Variants in SLC36A1 observed in about 807,000 individuals in gnomAD.
The protein encoded by SLC36A1 is proton-coupled amino acid transporter 1.
Under a neutral mutation model 47.5 loss-of-function variants are expected in SLC36A1, and 30 were observed. The observed-to-expected ratio is 0.63, with a 90% CI of 0.47 to 0.86. The LOEUF is 0.86. Ranked by LOEUF, SLC36A1 falls within the 40% of genes least tolerant of loss-of-function variation. The pLI is 0.00. For synonymous variants in SLC36A1, 255 were observed against 249.7 expected (o/e 1.02, Z -0.20); for missense variants, 517 against 606.0 (o/e 0.85, Z 1.54).
chr5:151,454,709 G>GC (rs1754221375), intron 1 of SLC36A1, among the ~76,000 whole-genome samples: 1 of 99,564 alleles, frequency 1.0e-5, no homozygotes, highest in African/African-American at 4.7e-5. Flanking sequence ...CCATGTGACA[G>GC]CTTTTTTTTT....
chr5:151,404,928 C>G, the SLC36A1 span, among the ~76,000 whole-genome samples: 1 of 152,180 alleles, frequency 6.6e-6, no homozygotes, highest in Admixed American at 6.5e-5. Flanking sequence ...TGCATTTGCA[C>G]ATAGACTTCT....
At chr5:151,385,605 A>G in the SLC36A1 span, among the ~76,000 whole-genome samples, 1 of 152,196 alleles carries the variant, frequency 6.6e-6, no homozygotes, top group Non-Finnish European at 1.5e-5. Flanking sequence ...GACTGAGACC[A>G]TCTGAGAGGG....
upstream of SLC36A1, among the ~76,000 whole-genome samples, chr5:151,444,499 AT>A (rs922298503): frequency 2.0e-5 from 3 of 151,342 alleles, no homozygotes; most frequent in African/African-American, 7.3e-5. Context: ...TGATTTTTTA[AT>A]TTTTTTTTGA....
chr5:151,441,802 C>T (rs1254631911), intron 1 of SLC36A1, among the ~76,000 whole-genome samples: 1 of 152,058 alleles, frequency 6.6e-6, no homozygotes, highest in African/African-American at 2.4e-5. Context: ...CAATAAACTG[C>T]ACGTATTTAA....
the SLC36A1 span, among the ~76,000 whole-genome samples, chr5:151,418,777 A>AC: frequency 6.6e-6 from 1 of 152,170 alleles, no homozygotes; most frequent in Non-Finnish European, 1.5e-5. Context: ...TAGGGAGGGC[A>AC]TGATTGGTTT....
the SLC36A1 span, among the ~76,000 whole-genome samples, chr5:151,518,952 T>TA: frequency 6.6e-6 from 1 of 152,170 alleles, no homozygotes; most frequent in Non-Finnish European, 1.5e-5. Flanking sequence ...GTCCAGCCTC[T>TA]AGATACCTAG....
intron 7 of SLC36A1, among the ~76,000 whole-genome samples, chr5:151,468,948 G>A (rs181118431): frequency 6.6e-6 from 1 of 152,252 alleles, no homozygotes; most frequent in East Asian, 1.9e-4. Flanking sequence ...TGGCATGAGA[G>A]AGAACATCTG....
the SLC36A1 span, chr5:151,545,928 G>A: frequency 6.2e-7 from 1 of 1,614,122 alleles, no homozygotes; most frequent in Non-Finnish European, 8.5e-7. Flanking sequence ...CTGCCATATT[G>A]CTGCCTCGGA....
the SLC36A1 span, among the ~76,000 whole-genome samples, chr5:151,522,870 C>A: frequency 6.6e-6 from 1 of 152,120 alleles, no homozygotes; most frequent in Non-Finnish European, 1.5e-5. Flanking sequence ...TGGGCTGGCA[C>A]GCGCAGGGTT....
rs1429934994 is a variant in SLC36A1 at position 151,467,890 on chromosome 5, G to C, written c.688G>C (p.Val230Leu). Reference sequence around the variant, plus strand: ...CCTGTTGGCCAACATCACCATGCTGGTCAGCTTGGTCATGATCTACCAGTT... The same window carrying C: ...CCTGTTGGCCAACATCACCATGCTGCTCAGCTTGGTCATGATCTACCAGTT... Reference protein sequence around the residue: ...FSLLANITMLVSLVMIYQFIV... With the variant: ...FSLLANITMLLSLVMIYQFIV... Residue 230 changes from valine to leucine, a missense_variant, in exon 7 of 11, where the codon GTC (valine) becomes CTC (leucine). By Grantham distance (32) the Val-to-Leu change is conservative. Coordinates refer to ENST00000243389, the MANE Select transcript of SLC36A1 (RefSeq NM_078483.4). The C allele has an allele frequency of 6.2e-7, 1 of 1,613,574 alleles. No homozygotes were observed. The highest frequency in any genetic ancestry group is 1.3e-5 in the African/African-American group (1 of 74,736).
chr5:151,505,374 A>T, the SLC36A1 span: 1 of 669,212 alleles, frequency 1.5e-6, no homozygotes, highest in East Asian at 2.7e-5. Context: ...CTGGAGCTCT[A>T]TCCTCAGCTT....
chr5:151,538,104 GAA>G, the SLC36A1 span, among the ~76,000 whole-genome samples: 1 of 151,964 alleles, frequency 6.6e-6, no homozygotes, highest in Non-Finnish European at 1.5e-5. Context: ...CAGAGAGAGA[GAA>G]AGAGAAGCAG....
At chr5:151,527,353 G>A in the SLC36A1 span, 7 of 1,610,414 alleles carry the variant, frequency 4.3e-6, no homozygotes, top group Admixed American at 1.7e-5. Flanking sequence ...TCTGTGGCTC[G>A]GAGCTTCAGG....
At chr5:151,446,632 G>C (rs1045012456), upstream of SLC36A1, among the ~76,000 whole-genome samples, 1 of 152,114 alleles carries the variant, frequency 6.6e-6, no homozygotes, top group Non-Finnish European at 1.5e-5. Flanking sequence ...TGGTCTGAAA[G>C]AATATTAATA....
chr5:151,351,824 C>A, the SLC36A1 span, among the ~76,000 whole-genome samples: 1 of 152,162 alleles, frequency 6.6e-6, no homozygotes, highest in Non-Finnish European at 1.5e-5. Context: ...CTCTCCACTT[C>A]CCTGTTTAAA....
the SLC36A1 span, among the ~76,000 whole-genome samples, chr5:151,539,145 T>A: frequency 7.9e-5 from 12 of 152,246 alleles, no homozygotes; most frequent in African/African-American, 2.6e-4. Context: ...GTGACCACCA[T>A]TCTCCCCAAA....
At chr5:151,349,966 AT>A in the SLC36A1 span, among the ~76,000 whole-genome samples, 2 of 152,138 alleles carry the variant, frequency 1.3e-5, no homozygotes. Context: ...TTTTTAATAG[AT>A]TAGAGAACCA....
chr5:151,438,027 T>C (rs1363357757), intron 1 of SLC36A1, among the ~76,000 whole-genome samples: 1 of 152,114 alleles, frequency 6.6e-6, no homozygotes, highest in Non-Finnish European at 1.5e-5. Flanking sequence ...AACCTTGTGA[T>C]TTATACTAGG....
chr5:151,411,489 T>C, the SLC36A1 span, among the ~76,000 whole-genome samples: 1 of 144,780 alleles, frequency 6.9e-6, no homozygotes. Context: ...CAGATTAGTC[T>C]CCTTCTGGTG....
Sources: gnomAD v4.1 joint callset for allele counts (sites outside exome capture counted in the v4.1 genomes callset) on GRCh38, gnomAD v4.1.1 for gene constraint, MANE v1.5 for transcripts, NCBI Gene and HGNC (gene_info 2026-07-23, HGNC 2026-07-21) for gene names.